Variants in FBXW11 observed in about 807,000 individuals in gnomAD.
FBXW11 encodes F-box/WD repeat-containing protein 11.
A neutral mutation model predicts 77.6 loss-of-function variants in FBXW11; 19 were observed. The ratio of observed to expected loss-of-function variants is 0.24; its 90% CI spans 0.17 to 0.36. FBXW11 has a LOEUF of 0.36. Ranked by LOEUF, FBXW11 falls within the 10% of genes least tolerant of loss-of-function variation. FBXW11 has a pLI of 1.00. For synonymous variants in FBXW11, 235 were observed against 249.4 expected (o/e 0.94, Z 0.54); for missense variants, 334 against 704.2 (o/e 0.47, Z 5.95).
intron 1 of FBXW11, among the ~76,000 whole-genome samples, chr5:171,985,016 A>C (rs1342775675): frequency 1.3e-5 from 2 of 152,210 alleles, no homozygotes; most frequent in Non-Finnish European, 2.9e-5. Flanking sequence ...GGACTCTCTT[A>C]ATAGTCTGAT....
intron 1 of FBXW11, among the ~76,000 whole-genome samples, chr5:171,975,454 G>A (rs1764777436): frequency 6.6e-6 from 1 of 152,204 alleles, no homozygotes; most frequent in Non-Finnish European, 1.5e-5. Flanking sequence ...TGCTGGCTAA[G>A]ATGTGGTTAT....
rs1238124641 is a variant in FBXW11 at position 171,904,276 on chromosome 5, CA to C, written c.437-4177del. On this transcript the variant is annotated intron_variant, in intron 4 of 13. Transcript: ENST00000517395. This position sits in a 1 kb window ranked among gnomAD's most constrained non-coding sequence, Gnocchi z 4.0. ...TGCCACTGCACTCTAGCCTGGGTTA[CA>C]GTGCAAGACTCTGTCTTTTTTTAAA... Among the ~76,000 whole-genome samples the C allele has an allele frequency of 2.0e-5, 3 of 152,052 alleles. No individual in the cohort carries two copies. The highest frequency in any genetic ancestry group is 4.4e-5 in the Non-Finnish European group (3 of 68,008).
intron 7 of FBXW11, among the ~76,000 whole-genome samples, chr5:171,886,574 A>G (rs548418158): frequency 2.2e-4 from 34 of 151,968 alleles, no homozygotes; most frequent in African/African-American, 7.5e-4. Flanking sequence ...AAGTATAATA[A>G]AAAATAAATA....
At chr5:171,941,399 GA>G (rs1274805006) in intron 2 of FBXW11, among the ~76,000 whole-genome samples, 2 of 151,674 alleles carry the variant, frequency 1.3e-5, no homozygotes, top group African/African-American at 2.4e-5. Flanking sequence ...CTTCCAGACT[GA>G]AAAAAACTAA....
chr5:171,888,432 C>T (rs1292730069), intron 7 of FBXW11, among the ~76,000 whole-genome samples: 1 of 152,078 alleles, frequency 6.6e-6, no homozygotes, highest in Non-Finnish European at 1.5e-5. Context: ...TAGTGAAAGC[C>T]CATGACAGAC....
intron 1 of FBXW11, among the ~76,000 whole-genome samples, chr5:171,982,533 G>A (rs1017977543): frequency 2.6e-5 from 4 of 152,166 alleles, no homozygotes; most frequent in Non-Finnish European, 5.9e-5. Flanking sequence ...AAAGTGCTGG[G>A]ATTACAGGTG....
intron 7 of FBXW11, among the ~76,000 whole-genome samples, chr5:171,882,947 TC>T (rs1001665406): frequency 6.9e-6 from 1 of 144,606 alleles, no homozygotes; most frequent in Non-Finnish European, 1.5e-5. Flanking sequence ...CTCCCACTCG[TC>T]CCCCCAAGTC....
At chr5:171,969,224 C>T (rs1200979727) in intron 1 of FBXW11, among the ~76,000 whole-genome samples, 3 of 152,160 alleles carry the variant, frequency 2.0e-5, no homozygotes, top group South Asian at 2.1e-4. Context: ...GCTGAGATCA[C>T]GCCACCGCGC....
chr5:171,883,515 C>T (rs900205122), intron 7 of FBXW11, among the ~76,000 whole-genome samples: 3 of 152,108 alleles, frequency 2.0e-5, no homozygotes, highest in Non-Finnish European at 4.4e-5. Flanking sequence ...TACCCTAAAA[C>T]TTAAAGTATA....
intron 1 of FBXW11, among the ~76,000 whole-genome samples, chr5:171,992,502 GAGAGAAAGAA>G (rs1307588893): frequency 4.6e-5 from 7 of 151,484 alleles, no homozygotes; most frequent in South Asian, 2.1e-4. Flanking sequence ...AAAGAAAAGA[GAGAGAAAGAA>G]AGAGAAAGAG....
chr5:171,884,107 T>C (rs973113652), intron 7 of FBXW11, among the ~76,000 whole-genome samples: 3 of 152,246 alleles, frequency 2.0e-5, no homozygotes, highest in African/African-American at 4.8e-5. Flanking sequence ...TATGAAATCC[T>C]TGCCTAAGCC....
intron 4 of FBXW11, among the ~76,000 whole-genome samples, chr5:171,900,781 A>C (rs1159044025): frequency 2.0e-5 from 3 of 152,194 alleles, no homozygotes; most frequent in African/African-American, 7.2e-5. Context: ...AATCCTCAAA[A>C]GCAATAGCCC....
In FBXW11 at chr5:171,956,140, C is replaced by A. The variant is rs558112700; in HGVS notation, c.147+1457G>T. Reference sequence around the variant, plus strand: ...CCCACTAAAAAGCAACTGTAACATTCCTTTTAATCCAGAAAAATAGAGACA... The same window carrying A: ...CCCACTAAAAAGCAACTGTAACATTACTTTTAATCCAGAAAAATAGAGACA... On this transcript the variant is annotated intron_variant, in intron 2 of 13. Transcript: ENST00000517395. 2.6e-5 allele frequency among the ~76,000 whole-genome samples: 4 copies of A among 152,298 alleles called. No homozygotes were observed. The South Asian group carries it at 8.3e-4, about 32-fold the overall frequency.
intron 1 of FBXW11, among the ~76,000 whole-genome samples, chr5:171,981,483 G>A (rs1467388123): frequency 6.6e-6 from 1 of 152,042 alleles, no homozygotes; most frequent in African/African-American, 2.4e-5. Flanking sequence ...CACCTTAAGT[G>A]GGGGCAGTCT....
In FBXW11 at chr5:171,996,803, A is replaced by G. The variant is rs1156971616; in HGVS notation, c.45+9655T>C. The G allele has an allele frequency of 5.0e-6, 5 of 1,000,124 alleles. No homozygotes were observed. The East Asian group carries it at 2.4e-4, about 49-fold the overall frequency. 62.0% of individuals were successfully genotyped at this position (1,000,124 alleles called of 1,614,324 possible). On this transcript the variant is annotated intron_variant, in intron 1 of 13. Coordinates refer to ENST00000517395, the MANE Select transcript of FBXW11 (RefSeq NM_001378974.1). ...TATTTCTCCCTTTCCCTATTAATGG[A>G]CAAAATAAATAAGGGAAAATATTTT...
At position 171,869,607 on chromosome 5, in the gene FBXW11, A is replaced by G. The variant is rs2113749921; in HGVS notation, c.1530+122T>C. Reference sequence around the variant, plus strand: ...TTTTGGCTAAACAAAATGAAGACTGAAATTCTCTGAAGGCATCTTGTGAGA... The same window carrying G: ...TTTTGGCTAAACAAAATGAAGACTGGAATTCTCTGAAGGCATCTTGTGAGA... On this transcript the variant is annotated intron_variant, in intron 12 of 13. Coordinates refer to ENST00000517395, the MANE Select transcript of FBXW11 (RefSeq NM_001378974.1). The surrounding 1 kb of genome is among the most constrained non-coding windows in gnomAD (Gnocchi z 4.1). The G allele has an allele frequency of 9.7e-6, 6 of 618,552 alleles. No homozygotes were observed. 38.3% of individuals were successfully genotyped at this position (618,552 alleles called of 1,614,324 possible).
intron 7 of FBXW11, among the ~76,000 whole-genome samples, chr5:171,879,602 C>T (rs1219380732): frequency 1.3e-5 from 2 of 152,362 alleles, no homozygotes; most frequent in South Asian, 2.1e-4. Flanking sequence ...CACATTCTCA[C>T]CAGCATTGGG....
At chr5:171,926,453 G>A (rs1037228028) in intron 2 of FBXW11, among the ~76,000 whole-genome samples, 1 of 152,180 alleles carries the variant, frequency 6.6e-6, no homozygotes, top group Admixed American at 6.5e-5. Context: ...GAGGCCTGGT[G>A]GGAGGTGACT....
At chr5:171,885,439 T>C (rs4868129) in intron 7 of FBXW11, among the ~76,000 whole-genome samples, 7,792 of 152,304 alleles carry the variant, frequency 0.051, 307 homozygotes, top group Admixed American at 0.11. Context: ...TTCTCCCGGA[T>C]GTTTCTGCTC....
Sources: allele counts gnomAD v4.1 joint callset (sites outside exome capture counted in the v4.1 genomes callset), GRCh38; gene constraint gnomAD v4.1.1; non-coding constraint Gnocchi (gnomAD v3.1); transcripts MANE v1.5; gene names NCBI Gene and HGNC (gene_info 2026-07-23, HGNC 2026-07-21).